DNAAF9: variants seen among roughly 807,000 people sequenced by gnomAD.
DNAAF9 encodes shulin.
Under a neutral mutation model 167.0 loss-of-function variants are expected in DNAAF9, and 90 were observed. That is an observed-to-expected ratio of 0.54 (90% CI 0.45 to 0.64). DNAAF9 has a LOEUF of 0.64. Among genes scored for constraint, DNAAF9 ranks in the 30% least tolerant of loss-of-function variants. The pLI, the probability that DNAAF9 is intolerant of heterozygous loss-of-function variation, is 0.00. For synonymous variants in DNAAF9, 491 were observed against 508.8 expected (o/e 0.96, Z 0.47); for missense variants, 1,315 against 1,442.2 (o/e 0.91, Z 1.43).
At chr20:3,281,855 G>C in intron 27 of DNAAF9, 89 bp from the exon 28 acceptor site, 1 of 1,388,428 alleles carries the variant, frequency 7.2e-7, no homozygotes, top group South Asian at 1.3e-5. Flanking sequence ...GATTGAACAA[G>C]GATGGAAAGA....
chr20:3,269,552 A>G (rs1406414822), intron 30 of DNAAF9, among the ~76,000 whole-genome samples: 1 of 152,188 alleles, frequency 6.6e-6, no homozygotes, highest in Non-Finnish European at 1.5e-5. Context: ...CAAGGATGTT[A>G]AGAGAATCTT....
intron 6 of DNAAF9, among the ~76,000 whole-genome samples, chr20:3,365,400 T>G (rs2083418842): frequency 6.6e-6 from 1 of 151,842 alleles, no homozygotes; most frequent in Non-Finnish European, 1.5e-5. Context: ...TTTATTTATT[T>G]ATTTATTTTT....
At chr20:3,368,637 C>G (rs918084317) in intron 6 of DNAAF9, among the ~76,000 whole-genome samples, 11 of 151,678 alleles carry the variant, frequency 7.3e-5, no homozygotes, top group Admixed American at 6.6e-4. Context: ...CTCAGCCTCC[C>G]GAGTAGCTGG....
At chr20:3,300,720 TAATAATAA>T (rs1195363416) in intron 21 of DNAAF9, among the ~76,000 whole-genome samples, 1 of 145,504 alleles carries the variant, frequency 6.9e-6, no homozygotes, top group Non-Finnish European at 1.5e-5. Flanking sequence ...ATAATAATAA[TAATAATAA>T]TTTTTTGTAG....
rs183007168 is a variant in DNAAF9 at position 3,269,697 on chromosome 20, G to A, written c.2786+730C>T. Among the ~76,000 whole-genome samples the A allele has an allele frequency of 3.3e-5, 5 of 152,284 alleles. No homozygotes were observed. The East Asian group carries it at 9.7e-4, about 30-fold the overall frequency. On this transcript the variant is annotated intron_variant, in intron 30 of 36. Transcript: ENST00000252032. ...CGGCCAGGCGTGGTGCCTCACGCCT[G>A]TAATCCCAGCACTTTGGGAGGCCGA...
intron 17 of DNAAF9, 36 bp downstream of exon 17, chr20:3,318,253 C>G (rs768380861): frequency 2.8e-5 from 22 of 795,902 alleles, no homozygotes; most frequent in Non-Finnish European, 4.1e-5. Flanking sequence ...AAAAAAAAGG[C>G]TTAAGGTTTG....
At chr20:3,310,254 A>T (rs1020519671) in intron 20 of DNAAF9, among the ~76,000 whole-genome samples, 7 of 151,110 alleles carry the variant, frequency 4.6e-5, no homozygotes, top group Admixed American at 4.6e-4. Context: ...AAACAGAGAG[A>T]GAGAGAGAGA....
At position 3,340,633 on chromosome 20, in the gene DNAAF9, G is replaced by C; in HGVS notation, c.852C>G (p.Asn284Lys). The C allele has an allele frequency of 6.2e-7, 1 of 1,613,984 alleles. No individual in the cohort carries two copies. The highest frequency in any genetic ancestry group is 8.5e-7 in the Non-Finnish European group (1 of 1,179,910). The part of the protein sequence containing the change: ...ISSHITENSP[N>K]RQPFVLFGNH... Reference sequence around the variant, plus strand: ...TACCAAAGAGAACAAATGGCTGCCGGTTAGGGCTAGAGAGGGAAGTCAAAA... The same window carrying C: ...TACCAAAGAGAACAAATGGCTGCCGCTTAGGGCTAGAGAGGGAAGTCAAAA... The change falls in exon 10 of 37, where the codon AAC becomes AAG. Residue 284 changes from asparagine (N) to lysine (K), a missense_variant. By Grantham distance (94) the Asn-to-Lys change is moderately conservative. Coordinates refer to ENST00000252032, the MANE Select transcript of DNAAF9 (RefSeq NM_001009984.3).
chr20:3,286,779 T>C (rs1255981338), intron 27 of DNAAF9, among the ~76,000 whole-genome samples: 2 of 152,210 alleles, frequency 1.3e-5, no homozygotes, highest in Non-Finnish European at 2.9e-5. Flanking sequence ...GGCTTTGGAT[T>C]GGGACCCATT....
At chr20:3,405,919 C>A (rs559558118) in intron 1 of DNAAF9, among the ~76,000 whole-genome samples, 1 of 152,180 alleles carries the variant, frequency 6.6e-6, no homozygotes, top group Non-Finnish European at 1.5e-5. Flanking sequence ...CTGCTTCAGA[C>A]AGTGAAACTG....
intron 12 of DNAAF9, among the ~76,000 whole-genome samples, chr20:3,329,590 C>T (rs553598282): frequency 2.6e-5 from 4 of 152,304 alleles, no homozygotes; most frequent in African/African-American, 7.2e-5. Context: ...TTTCCCAATA[C>T]AACTTTGTGG....
In DNAAF9 at chr20:3,376,314, ACAAAAT is replaced by A; in HGVS notation, c.284-18_284-13del. The A allele has an allele frequency of 6.3e-7, 1 of 1,591,556 alleles. No homozygotes were observed. The highest frequency in any genetic ancestry group is 1.7e-4 in the Middle Eastern group (1 of 5,978). On this transcript the variant is annotated splice_polypyrimidine_tract_variant and intron_variant, in intron 3 of 36. Coordinates refer to ENST00000252032, the MANE Select transcript of DNAAF9 (RefSeq NM_001009984.3). ...CAATATAATTACATCTGTAAGAAAAACAAAATCAAAACACAAGACTGTCAAACACAT... is the reference window on the plus strand; with the variant it reads ...CAATATAATTACATCTGTAAGAAAAACAAAACACAAGACTGTCAAACACAT...
rs73613620 is a variant in DNAAF9, at chr20:3,299,934, ACT to A, written c.1783-1761_1783-1760del. On this transcript the variant is annotated intron_variant, in intron 21 of 36. Transcript: ENST00000252032. Reference sequence around the variant, plus strand: ...ATTTCTTTTTTGAGACACAGTTTTCACTCTCTCACCCAGGCTGGAATGCAGTA... The same window carrying A: ...ATTTCTTTTTTGAGACACAGTTTTCACTCTCACCCAGGCTGGAATGCAGTA... Among the ~76,000 whole-genome samples, 21 of 151,846 alleles carry A rather than the reference ACT, an allele frequency of 1.4e-4. No individual in the cohort carries two copies. In the East Asian group the frequency reaches 3.7e-3, roughly 27 times the overall value.
At chr20:3,314,157 C>T (rs1331734428) in intron 20 of DNAAF9, among the ~76,000 whole-genome samples, 9 of 152,158 alleles carry the variant, frequency 5.9e-5, no homozygotes, top group African/African-American at 9.7e-5. Flanking sequence ...ACAGATTACA[C>T]TCCCAAGCCT....
chr20:3,335,478 C>T (rs771463368), intron 10 of DNAAF9, among the ~76,000 whole-genome samples: 47 of 152,048 alleles, frequency 3.1e-4, no homozygotes, highest in Non-Finnish European at 5.1e-4. Context: ...AATTGTTGGC[C>T]GGGCATGGTG....
chr20:3,331,651 C>T (rs2123079792), intron 11 of DNAAF9, among the ~76,000 whole-genome samples: 1 of 152,256 alleles, frequency 6.6e-6, no homozygotes, highest in South Asian at 2.1e-4. Context: ...ATCCAAATTC[C>T]CACTGCGGAC....
At chr20:3,293,621 G>T (rs1458697829) in intron 25 of DNAAF9, among the ~76,000 whole-genome samples, 1 of 147,904 alleles carries the variant, frequency 6.8e-6, no homozygotes, top group African/African-American at 2.5e-5. Context: ...GGGGGCGGAG[G>T]TTGCAGTGAG....
At chr20:3,407,417 AC>A in intron 1 of DNAAF9, 57 bp downstream of exon 1, 4 of 1,238,866 alleles carry the variant, frequency 3.2e-6, no homozygotes, top group Non-Finnish European at 3.1e-6. Flanking sequence ...GCGTCGCCGG[AC>A]CCCGACAGCC....
intron 10 of DNAAF9, 23 bp from the exon 11 acceptor site, chr20:3,332,384 A>C (rs2069846508): frequency 7.5e-7 from 1 of 1,328,508 alleles, no homozygotes; most frequent in African/African-American, 1.4e-5. Flanking sequence ...AAAAAATAAA[A>C]ATAAAAAGGG....
Sources: allele counts gnomAD v4.1 joint callset (sites outside exome capture counted in the v4.1 genomes callset), GRCh38; gene constraint gnomAD v4.1.1; transcripts MANE v1.5; gene names NCBI Gene and HGNC (gene_info 2026-07-23, HGNC 2026-07-21).